Variants in EPHA7 observed in about 807,000 individuals in gnomAD.
EPHA7 encodes ephrin type-A receptor 7.
EPHA7 carries 25 observed loss-of-function variants against 112.6 expected under a neutral mutation model. The ratio of observed to expected loss-of-function variants is 0.22; its 90% CI spans 0.16 to 0.31. The LOEUF is 0.31. Among genes scored for constraint, EPHA7 ranks in the 10% least tolerant of loss-of-function variants. The probability of loss-of-function intolerance (pLI) is 1.00; values close to 1 mark genes in which losing one functional copy is unlikely to be tolerated. For missense variants in EPHA7, 962 were observed against 1,212.6 expected (o/e 0.79, Z 3.07); for synonymous variants, 437 against 406.5 (o/e 1.07, Z -0.90).
intron 3 of EPHA7, among the ~76,000 whole-genome samples, chr6:93,367,889 A>G (rs1356425710): frequency 6.6e-6 from 1 of 152,100 alleles, no homozygotes; most frequent in Non-Finnish European, 1.5e-5. Context: ...TTTTGATCCC[A>G]CTGTAGTTTC....
intron 3 of EPHA7, among the ~76,000 whole-genome samples, chr6:93,394,394 T>C (rs1778063345): frequency 6.6e-6 from 1 of 151,668 alleles, no homozygotes; most frequent in Admixed American, 6.6e-5. Flanking sequence ...ACACAGATAA[T>C]TTCTCTGTGG....
At chr6:93,243,681 C>T (rs1769782374) in intron 16 of EPHA7, 141 bp from the exon 17 acceptor site, 1 of 606,920 alleles carries the variant, frequency 1.6e-6, no homozygotes, top group Admixed American at 2.6e-5. Context: ...ATGATCACAC[C>T]CCTGCAGCAG....
chr6:93,272,920 T>C (rs1040440816), intron 5 of EPHA7, among the ~76,000 whole-genome samples: 4 of 151,932 alleles, frequency 2.6e-5, no homozygotes, highest in Non-Finnish European at 5.9e-5. Flanking sequence ...GGTGTGTGTA[T>C]ACTCCCAAAG....
intron 5 of EPHA7, among the ~76,000 whole-genome samples, chr6:93,315,534 C>T (rs1300728310): frequency 2.0e-5 from 3 of 152,136 alleles, no homozygotes; most frequent in Non-Finnish European, 2.9e-5. Flanking sequence ...TAACAGCTTG[C>T]TCTGATTTCA....
chr6:93,297,191 C>G (rs1005704521), intron 5 of EPHA7, among the ~76,000 whole-genome samples: 20 of 151,976 alleles, frequency 1.3e-4, no homozygotes, highest in African/African-American at 4.8e-4. Context: ...TAATTTAATC[C>G]TCAAAACTGT....
intron 5 of EPHA7, among the ~76,000 whole-genome samples, chr6:93,324,590 T>A (rs1387542423): frequency 6.6e-6 from 1 of 151,402 alleles, no homozygotes; most frequent in Non-Finnish European, 1.5e-5. Flanking sequence ...AACATATGTA[T>A]CCTACCTCTT....
intron 14 of EPHA7, among the ~76,000 whole-genome samples, chr6:93,253,193 C>A (rs1770292023): frequency 6.6e-6 from 1 of 151,912 alleles, no homozygotes; most frequent in African/African-American, 2.4e-5. Context: ...TTTTGACAGT[C>A]CATGAAATCT....
intron 3 of EPHA7, among the ~76,000 whole-genome samples, chr6:93,371,433 C>T (rs1776792075): frequency 6.6e-6 from 1 of 151,904 alleles, no homozygotes; most frequent in Non-Finnish European, 1.5e-5. Context: ...CTATATATGC[C>T]ATTTTATATA....
chr6:93,356,957 C>A lies in EPHA7; in HGVS notation c.1084G>T (p.Asp362Tyr). The change falls in exon 5 of 17, where the codon GAT becomes TAT. Residue 362 changes from aspartate (D) to tyrosine (Y), a missense_variant. Transcript: ENST00000369303. ...TTACACAATATTCTGTAGGTCACAT[C>A]GTTTCTTCCCCCATTGTCTGCAGGA... Reference protein sequence around the residue: ...SPPADNGGRNDVTYRILCKRC... With the variant: ...SPPADNGGRNYVTYRILCKRC... 1 of 1,614,150 alleles carries A rather than the reference C, an allele frequency of 6.2e-7. No homozygotes were observed. Among genetic ancestry groups the A allele is most frequent in the Non-Finnish European group, 8.5e-7 (1 of 1,180,014 alleles).
At chr6:93,296,808 G>A (rs1207687582) in intron 5 of EPHA7, among the ~76,000 whole-genome samples, 2 of 151,754 alleles carry the variant, frequency 1.3e-5, no homozygotes, top group Admixed American at 6.6e-5. Flanking sequence ...CTTAAACCAA[G>A]TAGTAATTAC....
chr6:93,325,639 C>G (rs201146180), intron 5 of EPHA7, among the ~76,000 whole-genome samples: 1 of 151,182 alleles, frequency 6.6e-6, no homozygotes, highest in Non-Finnish European at 1.5e-5. Flanking sequence ...AAAATTCCAA[C>G]AAAATGAACC....
intron 3 of EPHA7, among the ~76,000 whole-genome samples, chr6:93,376,535 C>T (rs1777068016): frequency 1.3e-5 from 2 of 152,178 alleles, no homozygotes; most frequent in Admixed American, 6.5e-5. Context: ...TATATGAGAA[C>T]AGAAGCAGAA....
intron 3 of EPHA7, among the ~76,000 whole-genome samples, chr6:93,408,418 T>TG (rs1017603666): frequency 6.6e-6 from 1 of 152,052 alleles, no homozygotes; most frequent in Non-Finnish European, 1.5e-5. Context: ...ACTTACCCAG[T>TG]GGAATAGCAT....
chr6:93,360,107 TA>T (rs1221132921), intron 3 of EPHA7, among the ~76,000 whole-genome samples: 12 of 152,084 alleles, frequency 7.9e-5, no homozygotes, highest in Non-Finnish European at 1.3e-4. Flanking sequence ...CAATAGCAAT[TA>T]TTGCAAATAT....
chr6:93,329,614 G>A (rs1774490842), intron 5 of EPHA7, among the ~76,000 whole-genome samples: 1 of 151,214 alleles, frequency 6.6e-6, no homozygotes, highest in African/African-American at 2.4e-5. Context: ...AGGAGACATT[G>A]CTTAAAGAAT....
At chr6:93,383,113 T>C (rs553097449) in intron 3 of EPHA7, among the ~76,000 whole-genome samples, 73 of 152,208 alleles carry the variant, frequency 4.8e-4, no homozygotes, top group Admixed American at 7.9e-4. Flanking sequence ...AATTCAAACA[T>C]AAACTCTCAT....
chr6:93,405,344 T>C (rs1778643795), intron 3 of EPHA7, among the ~76,000 whole-genome samples: 1 of 151,878 alleles, frequency 6.6e-6, no homozygotes, highest in African/African-American at 2.4e-5. Flanking sequence ...TAAAATTGCA[T>C]ACACTGCTGG....
In EPHA7 at chr6:93,269,567, T is replaced by C. The variant is rs1178898166; in HGVS notation, c.1543A>G (p.Ile515Val). Residue 515 changes from isoleucine (I) to valine (V), a missense_variant, in exon 7 of 17, where the codon ATT (isoleucine) becomes GTT (valine). By Grantham distance (29) the Ile-to-Val change is conservative. This residue lies in a region of EPHA7 where 746 missense variants were observed against 889.2 expected (regional missense o/e 0.84). Transcript: ENST00000369303. The stretch of plus-strand genomic sequence containing the variant: ...TAACCAGCAGCAGTAAAAGCCCGAA[T>C]CTGGAAAACATACACTGTTCCTGGT... The part of the protein sequence containing the change: ...LKPGTVYVFQ[I>V]RAFTAAGYGN... 2 of 1,610,778 alleles carry C rather than the reference T, an allele frequency of 1.2e-6. No individual in the cohort carries two copies. Among genetic ancestry groups the C allele is most frequent in the African/African-American group, 2.7e-5 (2 of 74,684 alleles).
chr6:93,371,745 C>G (rs909444845), intron 3 of EPHA7, among the ~76,000 whole-genome samples: 5 of 152,054 alleles, frequency 3.3e-5, no homozygotes, highest in Non-Finnish European at 5.9e-5. Flanking sequence ...GTGCTATAAA[C>G]GAATATGTAT....
Sources: gnomAD v4.1 joint callset for allele counts (sites outside exome capture counted in the v4.1 genomes callset) on GRCh38, gnomAD v4.1.1 for gene constraint, gnomAD v4.1.1 regional missense constraint, MANE v1.5 for transcripts, NCBI Gene and HGNC (gene_info 2026-07-23, HGNC 2026-07-21) for gene names.